FCHSD2: variants seen among roughly 807,000 people sequenced by gnomAD.
FCHSD2 encodes FCH and double SH3 domains 2.
A neutral mutation model predicts 108.1 loss-of-function variants in FCHSD2; 38 were observed. The ratio of observed to expected loss-of-function variants is 0.35; its 90% confidence interval spans 0.27 to 0.46. FCHSD2 has a LOEUF of 0.46. Among genes scored for constraint, FCHSD2 ranks in the 20% least tolerant of loss-of-function variants. The pLI, the probability that FCHSD2 is intolerant of heterozygous loss-of-function variation, is 1.00. For missense variants in FCHSD2, 751 were observed against 897.8 expected, an observed-to-expected ratio of 0.84 and a Z score of 2.09; for synonymous variants, 279 against 314.7, an observed-to-expected ratio of 0.89 and a Z score of 1.20.
chr11:72,947,103 C>G (rs149150087), intron 8 of FCHSD2, among the ~76,000 whole-genome samples: 58 of 152,374 alleles, frequency 3.8e-4, no homozygotes, highest in African/African-American at 1.2e-3. Context: ...TCTGGTTTAA[C>G]AGCTGCATGC....
intron 8 of FCHSD2, among the ~76,000 whole-genome samples, chr11:72,974,452 C>T (rs1322112477): frequency 1.3e-5 from 2 of 152,122 alleles, no homozygotes; most frequent in Admixed American, 6.5e-5. Context: ...ATTAGGTTTC[C>T]AACACATGAA....
chr11:72,889,041 G>A (rs905097042), intron 11 of FCHSD2, among the ~76,000 whole-genome samples: 23 of 152,050 alleles, frequency 1.5e-4, no homozygotes, highest in Admixed American at 1.3e-4. Flanking sequence ...TGCAAGCTCC[G>A]CCTCCCAGGT....
intron 9 of FCHSD2, among the ~76,000 whole-genome samples, chr11:72,918,922 A>G (rs1463009531): frequency 6.6e-6 from 1 of 152,192 alleles, no homozygotes; most frequent in East Asian, 1.9e-4. Context: ...TTACATATAC[A>G]AAGCATTTCA....
intron 2 of FCHSD2, among the ~76,000 whole-genome samples, chr11:73,102,815 T>C (rs1860255492): frequency 2.0e-5 from 3 of 152,218 alleles, no homozygotes; most frequent in Admixed American, 2.0e-4. Flanking sequence ...AGCCAATAAA[T>C]TTCTGTTCTT....
intron 6 of FCHSD2, among the ~76,000 whole-genome samples, chr11:72,988,461 T>C (rs991750752): frequency 1.3e-5 from 2 of 152,224 alleles, no homozygotes; most frequent in Admixed American, 6.5e-5. Flanking sequence ...ATTATGTATA[T>C]ATACACTAGA....
At chr11:73,140,224 C>T (rs1054916930) in intron 1 of FCHSD2, 96 bp from the exon 2 acceptor site, 12 of 611,622 alleles carry the variant, frequency 2.0e-5, no homozygotes, top group African/African-American at 9.4e-5. Flanking sequence ...GTCTCTTGCT[C>T]GCCTCTCCCC....
chr11:72,974,899 CTAAT>C (rs751596689), intron 8 of FCHSD2, among the ~76,000 whole-genome samples: 1 of 151,782 alleles, frequency 6.6e-6, no homozygotes, highest in African/African-American at 2.4e-5. Context: ...GACTTCCATG[CTAAT>C]TAATTAAGTA....
At chr11:72,911,301 T>C (rs1855760166) in intron 9 of FCHSD2, among the ~76,000 whole-genome samples, 1 of 152,206 alleles carries the variant, frequency 6.6e-6, no homozygotes, top group Non-Finnish European at 1.5e-5. Flanking sequence ...TCACTGCAGA[T>C]AGGTAGATTT....
intron 14 of FCHSD2, among the ~76,000 whole-genome samples, chr11:72,848,313 G>T (rs527879790): frequency 2.0e-5 from 3 of 151,994 alleles, no homozygotes; most frequent in Non-Finnish European, 4.4e-5. Flanking sequence ...AACATTTCCT[G>T]AACACCCCAC....
chr11:73,113,142 T>C (rs1016531165), intron 2 of FCHSD2, among the ~76,000 whole-genome samples: 6 of 152,162 alleles, frequency 3.9e-5, no homozygotes, highest in Non-Finnish European at 8.8e-5. Context: ...AACTCCAGAA[T>C]TTCTGCTTGA....
intron 3 of FCHSD2, among the ~76,000 whole-genome samples, chr11:73,019,933 T>C (rs1021267061): frequency 2.0e-5 from 3 of 152,174 alleles, no homozygotes; most frequent in East Asian, 3.8e-4. Flanking sequence ...AAAATTTTTT[T>C]CAAATCATTC....
intron 8 of FCHSD2, among the ~76,000 whole-genome samples, chr11:72,952,571 G>A (rs983713469): frequency 2.6e-5 from 4 of 151,918 alleles, no homozygotes; most frequent in East Asian, 1.9e-4. Flanking sequence ...GTGATCTACC[G>A]GCCTCGGCCT....
chr11:72,916,482 T>A (rs558168291), intron 9 of FCHSD2, among the ~76,000 whole-genome samples: 4 of 152,156 alleles, frequency 2.6e-5, no homozygotes, highest in African/African-American at 4.8e-5. Context: ...CTGGCTAATT[T>A]AAAAAATTTT....
rs116351371 is a variant in FCHSD2 at position 73,111,329 on chromosome 11, T to A, written c.120-27589A>T. On this transcript the variant is annotated intron_variant, in intron 2 of 19. Transcript: ENST00000409418. The stretch of plus-strand genomic sequence containing the variant: ...TACATATATATTTACAACTGTTATA[T>A]CTTCTTGCTAAATTGACCTCTTTAT... 5.0e-3 allele frequency among the ~76,000 whole-genome samples: 764 copies of A among 152,352 alleles called. 6 individuals carry two copies. The highest frequency in any genetic ancestry group is 0.018 in the African/African-American group (728 of 41,582).
At chr11:73,005,583 T>G (rs1338899044) in intron 4 of FCHSD2, among the ~76,000 whole-genome samples, 1 of 152,316 alleles carries the variant, frequency 6.6e-6, no homozygotes, top group Non-Finnish European at 1.5e-5. Flanking sequence ...ACCCCAGGCT[T>G]CTTCTCTTCT....
intron 3 of FCHSD2, among the ~76,000 whole-genome samples, chr11:73,064,663 G>A (rs964440357): frequency 5.9e-5 from 9 of 151,900 alleles, no homozygotes; most frequent in African/African-American, 2.2e-4. Context: ...ATATCCTGTG[G>A]GATATTCTTA....
At chr11:73,100,513 G>A (rs539246298) in intron 2 of FCHSD2, among the ~76,000 whole-genome samples, 4 of 152,156 alleles carry the variant, frequency 2.6e-5, no homozygotes, top group African/African-American at 7.2e-5. Context: ...ACAGGCATGC[G>A]CCACCACGCC....
intron 6 of FCHSD2, among the ~76,000 whole-genome samples, chr11:72,987,072 C>T (rs1857325441): frequency 6.6e-6 from 1 of 152,166 alleles, no homozygotes; most frequent in African/African-American, 2.4e-5. Context: ...TTCCCAGGCT[C>T]TTCAGAATAA....
intron 8 of FCHSD2, among the ~76,000 whole-genome samples, chr11:72,969,126 T>C (rs943144395): frequency 1.3e-5 from 2 of 152,200 alleles, no homozygotes; most frequent in Non-Finnish European, 2.9e-5. Flanking sequence ...AGATGTCTCC[T>C]CCTCATTGTC....
Sources: allele counts gnomAD v4.1 joint callset (sites outside exome capture counted in the v4.1 genomes callset), GRCh38; gene constraint gnomAD v4.1.1; transcripts MANE v1.5; gene names NCBI Gene and HGNC (gene_info 2026-07-23, HGNC 2026-07-21).